The following INVS variants were observed in gnomAD, a reference collection of about 807,000 sequenced individuals.
INVS encodes the protein inversion of embryo turning homolog.
Under a neutral mutation model 108.8 loss-of-function variants are expected in INVS, and 86 were observed. That is an observed-to-expected ratio of 0.79 (90% confidence interval 0.66 to 0.95). The LOEUF is 0.95. Ranked by LOEUF, INVS falls within the 40% of genes least tolerant of loss-of-function variation. The probability of loss-of-function intolerance (pLI) is 0.00; values close to 1 mark genes in which losing one functional copy is unlikely to be tolerated. For synonymous variants in INVS, 455 were observed against 473.5 expected (o/e 0.96, Z 0.51); for missense variants, 1,169 against 1,297.4 (o/e 0.90, Z 1.52).
At chr9:100,181,322 C>A (rs1588068181) in intron 3 of INVS, among the ~76,000 whole-genome samples, 1 of 152,064 alleles carries the variant, frequency 6.6e-6, no homozygotes, top group Non-Finnish European at 1.5e-5. Flanking sequence ...AGAGAGGAAG[C>A]CAAATTGTTT....
At chr9:100,253,903 T>A (rs1171698217) in intron 10 of INVS, among the ~76,000 whole-genome samples, 1 of 152,236 alleles carries the variant, frequency 6.6e-6, no homozygotes, top group African/African-American at 2.4e-5. Flanking sequence ...TATAGCAGCA[T>A]GATTTATAAT....
chr9:100,182,145 C>G (rs1829908198), intron 3 of INVS, among the ~76,000 whole-genome samples: 1 of 152,102 alleles, frequency 6.6e-6, no homozygotes, highest in Admixed American at 6.6e-5. Context: ...AACGTAAGAC[C>G]TAAAACCATA....
At chr9:100,149,864 T>A (rs935178009) in intron 3 of INVS, among the ~76,000 whole-genome samples, 2 of 152,182 alleles carry the variant, frequency 1.3e-5, no homozygotes, top group African/African-American at 4.8e-5. Flanking sequence ...GTGTTTTCTG[T>A]ATACATAAAC....
intron 3 of INVS, among the ~76,000 whole-genome samples, chr9:100,180,003 C>G (rs1829834323): frequency 6.6e-6 from 1 of 152,168 alleles, no homozygotes; most frequent in African/African-American, 2.4e-5. Context: ...AACCACACAA[C>G]TACATGGAAA....
intron 1 of INVS, among the ~76,000 whole-genome samples, chr9:100,103,390 G>A (rs1827065134): frequency 1.3e-5 from 2 of 151,768 alleles, no homozygotes; most frequent in South Asian, 4.2e-4. Context: ...ACTTTGGGAT[G>A]CCAAGGTGGG....
At chr9:100,172,646 G>A (rs1829577842) in intron 3 of INVS, among the ~76,000 whole-genome samples, 1 of 152,158 alleles carries the variant, frequency 6.6e-6, no homozygotes, top group Non-Finnish European at 1.5e-5. Context: ...ACATTGAGCT[G>A]CACAAAGATT....
At chr9:100,187,199 T>C (rs987687642) in intron 3 of INVS, among the ~76,000 whole-genome samples, 2 of 152,178 alleles carry the variant, frequency 1.3e-5, no homozygotes, top group African/African-American at 4.8e-5. Context: ...CTCTATTCTG[T>C]TCCATTGGTC....
chr9:100,105,886 G>A (rs908789114), intron 2 of INVS, among the ~76,000 whole-genome samples: 53 of 41,294 alleles, frequency 1.3e-3, no homozygotes, highest in African/African-American at 4.3e-3. Flanking sequence ...GCCTTCTGTT[G>A]CACTTGACTG....
chr9:100,179,951 A>G (rs1829832197), intron 3 of INVS, among the ~76,000 whole-genome samples: 1 of 152,230 alleles, frequency 6.6e-6, no homozygotes, highest in Non-Finnish European at 1.5e-5. Context: ...CTCAGACCAC[A>G]GTGCAATCAA....
chr9:100,112,947 C>G (rs866044669), intron 2 of INVS, among the ~76,000 whole-genome samples: 10 of 152,302 alleles, frequency 6.6e-5, no homozygotes, highest in Middle Eastern at 6.8e-3. Context: ...CTTGCTAATA[C>G]TAGCTACTAC....
chr9:100,123,001 T>C (rs1185077982), intron 2 of INVS, among the ~76,000 whole-genome samples: 3 of 152,218 alleles, frequency 2.0e-5, no homozygotes, highest in Non-Finnish European at 4.4e-5. Flanking sequence ...GAACACTGCA[T>C]GTTCCTTCTA....
At chr9:100,196,593 A>G (rs971045257) in intron 3 of INVS, among the ~76,000 whole-genome samples, 2 of 151,920 alleles carry the variant, frequency 1.3e-5, no homozygotes, top group South Asian at 2.1e-4. Context: ...CAGGTCCCTG[A>G]AAGGGGTCGC....
At position 100,104,533 on chromosome 9, in the gene INVS, A is replaced by G; in HGVS notation, c.12A>G (p.Ser4=). MNK[S]ENLLFAGSSL... ...TTGCTAAGAAGACTATGAACAAGTC[A>G]GAGAACCTGCTGTTTGCTGGTTCAT... The change falls in exon 2 of 17, where the codon TCA becomes TCG. Residue 4 remains serine, a synonymous_variant. Transcript: ENST00000262457. 6.2e-7 allele frequency: 1 copy of G among 1,613,564 alleles called. No individual in the cohort carries two copies. Among genetic ancestry groups the G allele is most frequent in the Non-Finnish European group, 8.5e-7 (1 of 1,179,460 alleles).
chr9:100,206,946 G>C (rs568400641), intron 3 of INVS, among the ~76,000 whole-genome samples: 12 of 152,070 alleles, frequency 7.9e-5, no homozygotes, highest in Non-Finnish European at 1.6e-4. Flanking sequence ...TTCAGATTAT[G>C]CACTTTTGGT....
intron 3 of INVS, among the ~76,000 whole-genome samples, chr9:100,206,304 A>G (rs1357816428): frequency 6.6e-5 from 10 of 152,092 alleles, no homozygotes; most frequent in Non-Finnish European, 1.5e-5. Flanking sequence ...TTTATACTTT[A>G]TTTTTGACAT....
At chr9:100,181,468 A>AC (rs1588068335) in intron 3 of INVS, among the ~76,000 whole-genome samples, 1 of 152,294 alleles carries the variant, frequency 6.6e-6, no homozygotes, top group East Asian at 1.9e-4. Flanking sequence ...ATTCCTATAC[A>AC]CCAATAATAG....
At chr9:100,191,033 T>A (rs1413930524) in intron 3 of INVS, among the ~76,000 whole-genome samples, 1 of 152,046 alleles carries the variant, frequency 6.6e-6, no homozygotes, top group African/African-American at 2.4e-5. Flanking sequence ...GCTAATTTTT[T>A]AATTTTTTAT....
At chr9:100,221,047 A>G (rs58466326) in intron 3 of INVS, among the ~76,000 whole-genome samples, 4,727 of 152,200 alleles carry the variant, frequency 0.031, 235 homozygotes, top group African/African-American at 0.11. Context: ...TCTCAAAAAC[A>G]TAAGAACTCC....
chr9:100,172,030 C>T (rs952124982), intron 3 of INVS, among the ~76,000 whole-genome samples: 4 of 151,936 alleles, frequency 2.6e-5, no homozygotes, highest in African/African-American at 9.7e-5. Context: ...CTCTGTAAAA[C>T]CTTTGATTAT....
Sources: gnomAD v4.1 joint callset for allele counts (sites outside exome capture counted in the v4.1 genomes callset) on GRCh38, gnomAD v4.1.1 for gene constraint, MANE v1.5 for transcripts, NCBI Gene and HGNC (gene_info 2026-07-23, HGNC 2026-07-21) for gene names.